Variants in SGSM1 observed in about 807,000 individuals in gnomAD.
SGSM1 encodes small G protein signaling modulator 1, also known as RUN and TBC1 domain containing 2.
In SGSM1, 73 loss-of-function variants were observed where a neutral mutation model predicts 133.8. The observed-to-expected ratio is 0.55, with a 90% confidence interval of 0.45 to 0.66. The LOEUF (loss-of-function observed/expected upper bound fraction) is 0.66, where lower values mean the gene tolerates loss of function less well. Among genes scored for constraint, SGSM1 ranks in the 30% least tolerant of loss-of-function variants. The pLI, the probability that SGSM1 is intolerant of heterozygous loss-of-function variation, is 0.00. For missense variants in SGSM1, 1,213 were observed against 1,448.1 expected (o/e 0.84, Z 2.64); for synonymous variants, 563 against 573.0 (o/e 0.98, Z 0.25).
chr22:24,839,189 G>T (rs945491614), intron 2 of SGSM1, among the ~76,000 whole-genome samples: 1 of 152,068 alleles, frequency 6.6e-6, no homozygotes, highest in South Asian at 2.1e-4. Flanking sequence ...TCAAGTAGCT[G>T]GATTGCAGGC....
At chr22:24,824,426 A>G (rs1477323955) in intron 2 of SGSM1, among the ~76,000 whole-genome samples, 1 of 151,706 alleles carries the variant, frequency 6.6e-6, no homozygotes, top group Non-Finnish European at 1.5e-5. Context: ...CCTTCCCCAC[A>G]CCCCAAGTCT....
chr22:24,818,460 C>T (rs529338017), intron 2 of SGSM1, among the ~76,000 whole-genome samples: 22 of 150,750 alleles, frequency 1.5e-4, no homozygotes, highest in African/African-American at 4.9e-4. Flanking sequence ...CTCTGCCTCC[C>T]AGGTTCAAGC....
At chr22:24,832,184 T>A (rs756547235) in intron 2 of SGSM1, among the ~76,000 whole-genome samples, 1 of 152,180 alleles carries the variant, frequency 6.6e-6, no homozygotes, top group Non-Finnish European at 1.5e-5. Context: ...TCCCTTAGAA[T>A]CAGATTGACC....
At position 24,864,875 on chromosome 22, in the gene SGSM1, G is replaced by A. The variant is rs571698942; in HGVS notation, c.927-2218G>A. On this transcript the variant is annotated intron_variant, in intron 9 of 24. Coordinates refer to ENST00000400358, the MANE Select transcript of SGSM1 (RefSeq NM_001098497.3). ...AACACGCAAATGAAAATGAGAAACA[G>A]CCCTTGCTCCTTCCTAGCTCTGTGG... Among the ~76,000 whole-genome samples, 3 of 152,316 alleles carry A rather than the reference G, an allele frequency of 2.0e-5. No individual in the cohort carries two copies. The East Asian group carries it at 5.8e-4, about 29-fold the overall frequency.
At chr22:24,900,976 A>G (rs1194865808) in intron 19 of SGSM1, among the ~76,000 whole-genome samples, 1 of 152,216 alleles carries the variant, frequency 6.6e-6, no homozygotes, top group Non-Finnish European at 1.5e-5. Flanking sequence ...CAAATATGAG[A>G]TGACAACTAC....
At chr22:24,827,791 A>G (rs1249454041) in intron 2 of SGSM1, among the ~76,000 whole-genome samples, 4 of 151,986 alleles carry the variant, frequency 2.6e-5, no homozygotes, top group Non-Finnish European at 5.9e-5. Flanking sequence ...GCCCAACATC[A>G]CACATACAGT....
intron 15 of SGSM1, 81 bp downstream of exon 15, chr22:24,884,279 T>A: frequency 1.3e-6 from 2 of 1,503,518 alleles, no homozygotes; most frequent in Non-Finnish European, 9.0e-7. Context: ...TAAGCCCACA[T>A]GCTTGTGGGG....
At chr22:24,854,102 G>T (rs1171230224) in intron 5 of SGSM1, among the ~76,000 whole-genome samples, 1 of 152,124 alleles carries the variant, frequency 6.6e-6, no homozygotes, top group African/African-American at 2.4e-5. Flanking sequence ...GGAATTCTGG[G>T]AGATACAATT....
At chr22:24,882,779 G>A (rs530183494) in intron 14 of SGSM1, among the ~76,000 whole-genome samples, 9 of 151,002 alleles carry the variant, frequency 6.0e-5, no homozygotes, top group East Asian at 5.8e-4. Flanking sequence ...TCTGTGCCTC[G>A]CGTTTTTTTG....
At chr22:24,878,197 T>C (rs773377365) in intron 13 of SGSM1, among the ~76,000 whole-genome samples, 1 of 152,158 alleles carries the variant, frequency 6.6e-6, no homozygotes, top group Non-Finnish European at 1.5e-5. Context: ...AGGTCCTGAC[T>C]GAGTAGGTAT....
intron 24 of SGSM1, among the ~76,000 whole-genome samples, chr22:24,922,479 C>CTTT (rs374456980): frequency 4.7e-5 from 6 of 128,586 alleles, no homozygotes; most frequent in Admixed American, 1.6e-4. Flanking sequence ...TGTGCCCGGC[C>CTTT]TTTTTTTTTT....
chr22:24,907,014 A>T (rs573594976), intron 21 of SGSM1, among the ~76,000 whole-genome samples: 74 of 149,278 alleles, frequency 5.0e-4, no homozygotes, highest in African/African-American at 1.8e-3. Context: ...TAATCCCATC[A>T]CTTTGGGAGC....
intron 3 of SGSM1, 125 bp from the exon 4 acceptor site, chr22:24,847,509 A>G: frequency 8.2e-7 from 1 of 1,215,652 alleles, no homozygotes; most frequent in South Asian, 1.6e-5. Context: ...TCTCTGGGGT[A>G]AGACAGAAGG....
Position 24,866,179 on chromosome 22 carries a change from T to C in SGSM1, c.927-914T>C, listed in dbSNP as rs369821546. 2.6e-5 allele frequency among the ~76,000 whole-genome samples: 4 copies of C among 152,310 alleles called. No homozygotes were observed. The East Asian group carries it at 7.7e-4, about 29-fold the overall frequency. On this transcript the variant is annotated intron_variant, in intron 9 of 24. Transcript: ENST00000400358. ...GGTTTTGAGCTGGAAATGGAAACAC[T>C]TAAATAATCATAGGGACCACTTCCC...
chr22:24,858,401 G>T (rs1930930106), intron 8 of SGSM1, among the ~76,000 whole-genome samples: 1 of 152,078 alleles, frequency 6.6e-6, no homozygotes, highest in African/African-American at 2.4e-5. Flanking sequence ...GATTACCTGA[G>T]ATCAGGAGTT....
intron 11 of SGSM1, 36 bp downstream of exon 11, chr22:24,868,575 G>A: frequency 6.2e-7 from 1 of 1,613,218 alleles, no homozygotes; most frequent in Non-Finnish European, 8.5e-7. Flanking sequence ...GGCTGGGGTG[G>A]AGGCTGGTCA....
chr22:24,919,239 T>C (rs1933924087), intron 23 of SGSM1, among the ~76,000 whole-genome samples: 1 of 151,020 alleles, frequency 6.6e-6, no homozygotes, highest in African/African-American at 2.4e-5. Flanking sequence ...TTAGTCGAGA[T>C]GGGGGTTTCA....
At chr22:24,824,638 A>T (rs1024332471) in intron 2 of SGSM1, among the ~76,000 whole-genome samples, 2 of 152,016 alleles carry the variant, frequency 1.3e-5, no homozygotes, top group African/African-American at 4.8e-5. Context: ...TTTGAGCTCC[A>T]CGGTGGCTAT....
intron 2 of SGSM1, among the ~76,000 whole-genome samples, chr22:24,821,921 A>T (rs1466034159): frequency 6.6e-6 from 1 of 151,896 alleles, no homozygotes; most frequent in East Asian, 1.9e-4. Context: ...ACCCACATGG[A>T]CGATTATCCC....
Sources: allele counts gnomAD v4.1 joint callset (sites outside exome capture counted in the v4.1 genomes callset), GRCh38; gene constraint gnomAD v4.1.1; transcripts MANE v1.5; gene names NCBI Gene and HGNC (gene_info 2026-07-23, HGNC 2026-07-21).